Variants in CDH13 observed in about 807,000 individuals in gnomAD.
The protein encoded by CDH13 is cadherin 13.
A neutral mutation model predicts 63.8 loss-of-function variants in CDH13; 24 were observed. The observed-to-expected ratio is 0.38, with a 90% CI of 0.27 to 0.53. CDH13 has a LOEUF of 0.53. Among genes scored for constraint, CDH13 ranks in the 20% least tolerant of loss-of-function variants. The pLI, the probability that CDH13 is intolerant of heterozygous loss-of-function variation, is 0.85. For missense variants in CDH13, 1,049 were observed against 903.1 expected (o/e 1.16, Z -2.07); for synonymous variants, 503 against 355.3 (o/e 1.42, Z -4.67).
At chr16:83,137,459 G>C (rs931316220) in intron 4 of CDH13, among the ~76,000 whole-genome samples, 1 of 152,234 alleles carries the variant, frequency 6.6e-6, no homozygotes, top group African/African-American at 2.4e-5. Flanking sequence ...CGCTGAGTCA[G>C]GGCCGGAGGT....
intron 2 of CDH13, chr16:82,953,531 A>T (rs960157184): frequency 1.3e-5 from 2 of 152,216 alleles, no homozygotes; most frequent in Non-Finnish European, 2.9e-5. Context: ...GACTGAAATG[A>T]TATTAGCTCT....
At position 82,760,070 on chromosome 16, in the gene CDH13, G is replaced by C. The variant is rs146034735; in HGVS notation, c.46-98292G>C. ...ATCTGGAGCATTCTACTCTAATCTT[G>C]TCTTTTCCAAAATCCTTATGATTTT... is the stretch of plus-strand genomic sequence containing the variant. On this transcript the variant is annotated intron_variant, in intron 1 of 13. Transcript: ENST00000567109. Among the ~76,000 whole-genome samples the C allele has an allele frequency of 4.0e-3, 613 of 152,198 alleles. 2 individuals carry two copies. Among genetic ancestry groups the C allele is most frequent in the Admixed American group, 8.7e-3 (133 of 15,282 alleles).
At chr16:82,939,394 G>A (rs777158312) in intron 2 of CDH13, among the ~76,000 whole-genome samples, 2 of 150,962 alleles carry the variant, frequency 1.3e-5, no homozygotes, top group African/African-American at 2.4e-5. Context: ...TTGCACTCCA[G>A]CCTGGGTGAC....
rs573752085 is a variant in CDH13 at position 83,513,002 on chromosome 16, C to T, written c.960+26347C>T. 1.8e-4 allele frequency among the ~76,000 whole-genome samples: 26 copies of T among 143,866 alleles called. No individual in the cohort carries two copies. The East Asian group carries it at 4.3e-3, about 24-fold the overall frequency. The allele number at this position is 143,866 out of a possible 152,430, so 94.4% of individuals were successfully genotyped here. On this transcript the variant is annotated intron_variant, in intron 7 of 13. Transcript: ENST00000567109. The stretch of plus-strand genomic sequence containing the variant: ...AGTCAGCTAAATCCAGGAAGTATTT[C>T]GCAGATTGGGAATAAATAAAAGAAG...
chr16:82,710,552 A>AAAAATATATATATATAT (rs60196638), intron 1 of CDH13, among the ~76,000 whole-genome samples: 25 of 63,746 alleles, frequency 3.9e-4, no homozygotes, highest in Non-Finnish European at 6.3e-4. Flanking sequence ...AAAAAAAAAA[A>AAAAATATATATATATAT]ATATATATAT....
At chr16:83,687,914 A>G (rs939923685) in intron 10 of CDH13, among the ~76,000 whole-genome samples, 5 of 152,226 alleles carry the variant, frequency 3.3e-5, no homozygotes, top group African/African-American at 7.2e-5. Flanking sequence ...TTTGAAAACT[A>G]CAACTGCTTT....
intron 5 of CDH13, among the ~76,000 whole-genome samples, chr16:83,306,665 A>G (rs1330241703): frequency 6.6e-6 from 1 of 152,172 alleles, no homozygotes; most frequent in South Asian, 2.1e-4. Context: ...TGACTAGACT[A>G]TAGGGGTAGC....
At chr16:83,494,501 G>A (rs1480719937) in intron 7 of CDH13, among the ~76,000 whole-genome samples, 1 of 152,108 alleles carries the variant, frequency 6.6e-6, no homozygotes, top group African/African-American at 2.4e-5. Flanking sequence ...CAAACCAGCA[G>A]AGAAAAATAA....
chr16:83,217,748 C>G (rs1165481958), intron 5 of CDH13, among the ~76,000 whole-genome samples: 1 of 152,078 alleles, frequency 6.6e-6, no homozygotes, highest in East Asian at 1.9e-4. Context: ...AAGGGAGACC[C>G]TGGGGGCATC....
rs556471856 is a variant in CDH13 at position 83,288,113 on chromosome 16, G to A, written c.637-56749G>A. 2.6e-5 allele frequency among the ~76,000 whole-genome samples: 4 copies of A among 152,258 alleles called. 1 individual carries two copies. Among genetic ancestry groups the A allele is most frequent in the African/African-American group, 7.2e-5 (3 of 41,544 alleles). ...ATCATGACCTTTTTGCAGTAATTGC[G>A]ATTTTTAAAAATATTGCGTTAAAAT... On this transcript the variant is annotated intron_variant, in intron 5 of 13. Coordinates refer to ENST00000567109, the MANE Select transcript of CDH13 (RefSeq NM_001257.5).
chr16:83,423,889 C>G (rs2071798058), intron 6 of CDH13, among the ~76,000 whole-genome samples: 1 of 152,176 alleles, frequency 6.6e-6, no homozygotes, highest in African/African-American at 2.4e-5. Flanking sequence ...CCCCATTTCC[C>G]TCCGTCCTAT....
intron 10 of CDH13, among the ~76,000 whole-genome samples, chr16:83,712,834 T>C (rs1908270548): frequency 6.6e-6 from 1 of 152,060 alleles, no homozygotes; most frequent in South Asian, 2.1e-4. Flanking sequence ...CATAGAGGAG[T>C]ATGTAAAACA....
At chr16:83,202,028 T>C (rs1393964022) in intron 4 of CDH13, among the ~76,000 whole-genome samples, 3 of 152,218 alleles carry the variant, frequency 2.0e-5, no homozygotes, top group Admixed American at 1.3e-4. Flanking sequence ...TTAAGAACTC[T>C]ATTTCAGTTT....
At chr16:82,848,387 GC>G (rs1344115826) in intron 1 of CDH13, among the ~76,000 whole-genome samples, 1 of 152,196 alleles carries the variant, frequency 6.6e-6, no homozygotes. Flanking sequence ...TGTAGGATCA[GC>G]TTTCACCTTG....
intron 1 of CDH13, chr16:82,704,934 G>A (rs541718646): frequency 3.0e-6 from 1 of 336,924 alleles, no homozygotes; most frequent in African/African-American, 2.1e-5. Flanking sequence ...TCAAGCCCGG[G>A]ATATTGACAG....
rs574126082 is a variant in CDH13 at position 82,984,680 on chromosome 16, G to A, written c.158-47330G>A. 3.3e-5 allele frequency among the ~76,000 whole-genome samples: 5 copies of A among 152,248 alleles called. No individual in the cohort carries two copies. The East Asian group carries it at 5.8e-4, about 18-fold the overall frequency. On this transcript the variant is annotated intron_variant, in intron 2 of 13. Transcript: ENST00000567109. ...CCGCTTTACAGATGGAAAGATTGAG[G>A]CATCAAGAGGTCACATAACTTGCTA...
chr16:82,981,395 A>C (rs571340341), intron 2 of CDH13, among the ~76,000 whole-genome samples: 2 of 151,136 alleles, frequency 1.3e-5, no homozygotes, highest in Admixed American at 6.6e-5. Context: ...CCTCTCCTTG[A>C]CCCCCTCCTT....
intron 4 of CDH13, among the ~76,000 whole-genome samples, chr16:83,129,101 C>T (rs1351758828): frequency 2.6e-5 from 4 of 152,136 alleles, no homozygotes; most frequent in African/African-American, 9.7e-5. Flanking sequence ...ATCAACTCCA[C>T]CACAGCTGAC....
chr16:82,950,304 T>C (rs1252775489), intron 2 of CDH13, among the ~76,000 whole-genome samples: 1 of 152,102 alleles, frequency 6.6e-6, no homozygotes, highest in East Asian at 1.9e-4. Flanking sequence ...TGTGTCTATG[T>C]CTGCCTCTGA....
Sources: gnomAD v4.1 joint callset for allele counts (sites outside exome capture counted in the v4.1 genomes callset) on GRCh38, gnomAD v4.1.1 for gene constraint, MANE v1.5 for transcripts, NCBI Gene and HGNC (gene_info 2026-07-23, HGNC 2026-07-21) for gene names.